The following CNTN5 variants were observed in gnomAD, a reference collection of about 807,000 sequenced individuals.
CNTN5 encodes contactin 5.
A neutral mutation model predicts 129.1 loss-of-function variants in CNTN5; 77 were observed. The ratio of observed to expected loss-of-function variants is 0.60; its 90% CI spans 0.50 to 0.72. CNTN5 has a LOEUF of 0.72. Ranked by LOEUF, CNTN5 falls within the 30% of genes least tolerant of loss-of-function variation. CNTN5 has a pLI of 0.00. For missense variants in CNTN5, 1,478 were observed against 1,328.8 expected, an observed-to-expected ratio of 1.11 and a Z score of -1.75; for synonymous variants, 509 against 465.6, an observed-to-expected ratio of 1.09 and a Z score of -1.20.
intron 1 of CNTN5, among the ~76,000 whole-genome samples, chr11:99,224,696 C>CA (rs1860585544): frequency 8.1e-6 from 1 of 124,168 alleles, no homozygotes; most frequent in Admixed American, 1.0e-4. Context: ...CTTGCTCTGT[C>CA]ACCCAAGCTG....
chr11:99,483,384 C>T (rs1453015176), intron 2 of CNTN5, among the ~76,000 whole-genome samples: 1 of 152,038 alleles, frequency 6.6e-6, no homozygotes, highest in Admixed American at 6.5e-5. Flanking sequence ...AATGTGTTTA[C>T]TGGAGTTGTG....
chr11:99,670,812 G>C (rs1953003768), intron 3 of CNTN5, among the ~76,000 whole-genome samples: 1 of 152,138 alleles, frequency 6.6e-6, no homozygotes, highest in Admixed American at 6.6e-5. Context: ...GTGCTGCTTG[G>C]ACGCATTTTG....
Position 99,928,478 on chromosome 11 carries a change from A to G in CNTN5, c.673+12329A>G, listed in dbSNP as rs1246516012. 3.9e-5 allele frequency among the ~76,000 whole-genome samples: 6 copies of G among 152,208 alleles called. 1 individual carries two copies. The highest frequency in any genetic ancestry group is 3.9e-4 in the Admixed American group (6 of 15,280). ...CACTCCCATATTCTGAAATCTAGCCAGAGGTTCCCAAACCTCAATTCTTGA... is the reference window on the plus strand; with the variant it reads ...CACTCCCATATTCTGAAATCTAGCCGGAGGTTCCCAAACCTCAATTCTTGA... On this transcript the variant is annotated intron_variant, in intron 7 of 24. Coordinates refer to ENST00000524871, the MANE Select transcript of CNTN5 (RefSeq NM_014361.4).
chr11:99,393,845 G>T (rs891239067), intron 2 of CNTN5, among the ~76,000 whole-genome samples: 2 of 151,708 alleles, frequency 1.3e-5, no homozygotes, highest in Non-Finnish European at 3.0e-5. Flanking sequence ...AGAGCATCAT[G>T]ATTTGATTAG....
At chr11:99,404,130 A>G (rs561346391) in intron 2 of CNTN5, among the ~76,000 whole-genome samples, 31 of 151,906 alleles carry the variant, frequency 2.0e-4, no homozygotes, top group Non-Finnish European at 4.3e-4. Flanking sequence ...GTCTTCTTAT[A>G]TAATTTGTCT....
intron 2 of CNTN5, among the ~76,000 whole-genome samples, chr11:99,439,292 G>A (rs1445012002): frequency 2.0e-5 from 3 of 151,444 alleles, no homozygotes; most frequent in East Asian, 3.9e-4. Flanking sequence ...GTAGATCTCT[G>A]TGTGTGTGTG....
chr11:99,640,477 A>C (rs1951731269), intron 3 of CNTN5, among the ~76,000 whole-genome samples: 1 of 152,348 alleles, frequency 6.6e-6, no homozygotes, highest in South Asian at 2.1e-4. Flanking sequence ...AGCAAGGGAA[A>C]GACCAGCCCC....
At chr11:99,471,176 A>G (rs78784292) in intron 2 of CNTN5, among the ~76,000 whole-genome samples, 4,257 of 152,192 alleles carry the variant, frequency 0.028, 203 homozygotes, top group African/African-American at 0.096. Flanking sequence ...TTTCTAATAA[A>G]CATTTTCCTT....
chr11:99,665,085 A>G (rs916247144), intron 3 of CNTN5, among the ~76,000 whole-genome samples: 1 of 152,204 alleles, frequency 6.6e-6, no homozygotes, highest in Admixed American at 6.5e-5. Context: ...ATAGTTCGCT[A>G]TAAGAAGGAT....
intron 3 of CNTN5, among the ~76,000 whole-genome samples, chr11:99,691,187 CAA>C (rs139080017): frequency 0.02 from 2,925 of 145,440 alleles, 88 homozygotes; most frequent in African/African-American, 0.068. Context: ...TTAATTTTTT[CAA>C]AAAAAAAACC....
intron 2 of CNTN5, among the ~76,000 whole-genome samples, chr11:99,375,682 G>T (rs1940139419): frequency 6.6e-6 from 1 of 152,088 alleles, no homozygotes; most frequent in Non-Finnish European, 1.5e-5. Context: ...TTTGGGGTTG[G>T]CTTTTGTCTG....
At chr11:99,138,438 C>T (rs942564098) in intron 1 of CNTN5, among the ~76,000 whole-genome samples, 1 of 152,002 alleles carries the variant, frequency 6.6e-6, no homozygotes, top group African/African-American at 2.4e-5. Flanking sequence ...TATGTATAAA[C>T]CCAGGTGCAT....
chr11:100,230,021 C>T (rs1352822159), intron 16 of CNTN5, among the ~76,000 whole-genome samples: 1 of 152,042 alleles, frequency 6.6e-6, no homozygotes, highest in East Asian at 1.9e-4. Context: ...TGCTAATATG[C>T]TGGTATTTGG....
At chr11:100,081,885 G>A (rs77290586) in intron 13 of CNTN5, among the ~76,000 whole-genome samples, 1,791 of 152,202 alleles carry the variant, frequency 0.012, 49 homozygotes, top group African/African-American at 0.042. Context: ...AACTGACCTT[G>A]AGATTAATAT....
At chr11:99,081,088 GAAATAT>G (rs1865776870) in intron 1 of CNTN5, among the ~76,000 whole-genome samples, 3 of 148,660 alleles carry the variant, frequency 2.0e-5, no homozygotes, top group African/African-American at 7.5e-5. Context: ...GCAGCCCCCT[GAAATAT>G]AAATATAAGT....
At chr11:99,601,325 T>C (rs1190477015) in intron 3 of CNTN5, among the ~76,000 whole-genome samples, 1 of 152,194 alleles carries the variant, frequency 6.6e-6, no homozygotes, top group African/African-American at 2.4e-5. Flanking sequence ...TAGTAAATCA[T>C]CAAACTTTGT....
chr11:99,964,582 G>T (rs1307061432), intron 8 of CNTN5, among the ~76,000 whole-genome samples: 1 of 152,038 alleles, frequency 6.6e-6, no homozygotes, highest in Non-Finnish European at 1.5e-5. Flanking sequence ...GAGGATTTTT[G>T]CATCAATGTT....
At chr11:99,026,711 G>A (rs1437496802) in intron 1 of CNTN5, among the ~76,000 whole-genome samples, 1 of 151,544 alleles carries the variant, frequency 6.6e-6, no homozygotes, top group Non-Finnish European at 1.5e-5. Context: ...TCACTAATAA[G>A]CAAGGGTATA....
chr11:99,621,964 G>C (rs1033360313), intron 3 of CNTN5, among the ~76,000 whole-genome samples: 5 of 152,114 alleles, frequency 3.3e-5, no homozygotes, highest in Non-Finnish European at 7.4e-5. Flanking sequence ...ATAGCTGACT[G>C]AATTCTCTAA....
Sources: allele counts gnomAD v4.1 joint callset (sites outside exome capture counted in the v4.1 genomes callset), GRCh38; gene constraint gnomAD v4.1.1; transcripts MANE v1.5; gene names NCBI Gene and HGNC (gene_info 2026-07-23, HGNC 2026-07-21).